Variants in PLD1 observed in about 807,000 individuals in gnomAD.
The protein encoded by PLD1 is choline phosphatase 1.
Under a neutral mutation model 137.1 loss-of-function variants are expected in PLD1, and 112 were observed. The observed-to-expected ratio is 0.82, with a 90% CI of 0.70 to 0.96. The LOEUF is 0.96. Among genes scored for constraint, PLD1 ranks in the 40% least tolerant of loss-of-function variants. PLD1 has a pLI of 0.00. For missense variants in PLD1, 1,321 were observed against 1,342.0 expected (o/e 0.98, Z 0.24); for synonymous variants, 431 against 454.7 (o/e 0.95, Z 0.66).
chr3:171,749,338 G>T (rs1023725803), intron 1 of PLD1, among the ~76,000 whole-genome samples: 2 of 152,182 alleles, frequency 1.3e-5, no homozygotes. Context: ...GGAGGCAGCA[G>T]CCTGGAAGTG....
At chr3:171,765,760 T>C (rs1721941862) in intron 1 of PLD1, among the ~76,000 whole-genome samples, 1 of 152,212 alleles carries the variant, frequency 6.6e-6, no homozygotes. Flanking sequence ...TTCTAAGGAT[T>C]GTCTTGGTAT....
intron 23 of PLD1, among the ~76,000 whole-genome samples, chr3:171,628,167 G>T (rs1734310230): frequency 6.6e-6 from 1 of 152,180 alleles, no homozygotes; most frequent in Non-Finnish European, 1.5e-5. Flanking sequence ...AATAAAAAAT[G>T]ATAAAGGGGA....
chr3:171,643,784 A>G (rs1735973301), intron 22 of PLD1, among the ~76,000 whole-genome samples: 1 of 152,140 alleles, frequency 6.6e-6, no homozygotes, highest in South Asian at 2.1e-4. Context: ...AGAAATGTGC[A>G]AATCTTCAGT....
At chr3:171,690,116 T>G (rs1715002421) in intron 13 of PLD1, among the ~76,000 whole-genome samples, 1 of 152,232 alleles carries the variant, frequency 6.6e-6, no homozygotes, top group Non-Finnish European at 1.5e-5. Flanking sequence ...GGTAGTTTTC[T>G]TATTTCTAGG....
chr3:171,618,110 G>A (rs143754468), intron 24 of PLD1, among the ~76,000 whole-genome samples: 448 of 151,884 alleles, frequency 2.9e-3, no homozygotes, highest in African/African-American at 0.01. Flanking sequence ...TAAGGCACTT[G>A]GGGAAGGAAA....
intron 1 of PLD1, among the ~76,000 whole-genome samples, chr3:171,759,576 A>G (rs961809943): frequency 6.6e-6 from 1 of 152,192 alleles, no homozygotes; most frequent in Non-Finnish European, 1.5e-5. Flanking sequence ...GGGGAGCAGA[A>G]AAGGGAGAAA....
intron 19 of PLD1, among the ~76,000 whole-genome samples, chr3:171,664,531 C>T (rs1337897943): frequency 6.6e-6 from 1 of 151,298 alleles, no homozygotes; most frequent in African/African-American, 2.4e-5. Flanking sequence ...GATCTCAGCT[C>T]ACTGAAACCT....
At position 171,677,705 on chromosome 3, in the gene PLD1, A is replaced by G; in HGVS notation, c.1868-11T>C. 1.9e-6 allele frequency: 3 copies of G among 1,613,148 alleles called. No homozygotes were observed. Among genetic ancestry groups the G allele is most frequent in the Non-Finnish European group, 2.5e-6 (3 of 1,179,590 alleles). Reference sequence around the variant, plus strand: ...GGATGGACCCGGTATCTGTGAATGCAGCAAGACCCCCTCAGAGACTGTGGT... The same window carrying G: ...GGATGGACCCGGTATCTGTGAATGCGGCAAGACCCCCTCAGAGACTGTGGT... On this transcript the variant is annotated splice_polypyrimidine_tract_variant and intron_variant, in intron 16 of 26. Coordinates refer to ENST00000351298, the MANE Select transcript of PLD1 (RefSeq NM_002662.5).
At chr3:171,726,793 C>G (rs964702115) in intron 6 of PLD1, among the ~76,000 whole-genome samples, 14 of 152,220 alleles carry the variant, frequency 9.2e-5, no homozygotes, top group Admixed American at 7.8e-4. Context: ...TGGTGTTATG[C>G]TAACCATTTT....
intron 1 of PLD1, among the ~76,000 whole-genome samples, chr3:171,744,022 T>C (rs1206195596): frequency 6.6e-6 from 1 of 152,206 alleles, no homozygotes; most frequent in African/African-American, 2.4e-5. Flanking sequence ...AGCCTTCTGG[T>C]TGAAAAGCCC....
chr3:171,605,517 T>C, intron 25 of PLD1, 101 bp from the exon 26 acceptor site: 1 of 716,920 alleles, frequency 1.4e-6, no homozygotes, highest in Non-Finnish European at 2.5e-6. Flanking sequence ...AATATATATA[T>C]GCAAATTATT....
intron 1 of PLD1, among the ~76,000 whole-genome samples, chr3:171,767,251 T>G (rs2108323377): frequency 6.6e-6 from 1 of 152,342 alleles, no homozygotes; most frequent in South Asian, 2.1e-4. Context: ...CCATACGGCC[T>G]GGCCACTACT....
At chr3:171,694,981 T>A (rs1456700775) in intron 12 of PLD1, among the ~76,000 whole-genome samples, 1 of 152,198 alleles carries the variant, frequency 6.6e-6, no homozygotes, top group Non-Finnish European at 1.5e-5. Context: ...AGTTCATTTG[T>A]ATGTGGTTTA....
In PLD1 at chr3:171,737,545, G is replaced by A. The variant is rs755457632; in HGVS notation, c.275C>T (p.Thr92Ile). The A allele has an allele frequency of 6.2e-7, 1 of 1,610,524 alleles. No homozygotes were observed. The highest frequency in any genetic ancestry group is 1.7e-5 in the Admixed American group (1 of 59,106). Residue 92 changes from threonine (T) to isoleucine (I), a missense_variant, in exon 3 of 27, where the codon ACA (threonine) becomes ATA (isoleucine). Coordinates refer to ENST00000351298, the MANE Select transcript of PLD1 (RefSeq NM_002662.5). The stretch of plus-strand genomic sequence containing the variant: ...AAACGCTCTGACCCTTGTTGTAGAT[G>A]TGAAGCGTTCCACTTCCAGAACTTG... Reference protein sequence around the residue: ...KAQVLEVERFTSTTRVPSINL... With the variant: ...KAQVLEVERFISTTRVPSINL...
At chr3:171,626,117 G>A (rs1297790143) in intron 23 of PLD1, among the ~76,000 whole-genome samples, 3 of 152,114 alleles carry the variant, frequency 2.0e-5, no homozygotes, top group Non-Finnish European at 2.9e-5. Flanking sequence ...AAATTCAGAC[G>A]AATGTATAAC....
intron 1 of PLD1, among the ~76,000 whole-genome samples, chr3:171,787,940 C>T (rs887120949): frequency 8.6e-5 from 13 of 151,866 alleles, no homozygotes; most frequent in Admixed American, 2.0e-4. Context: ...GCAGCAGTGG[C>T]TCATGCCTAT....
At chr3:171,634,522 T>C (rs1734941365) in intron 23 of PLD1, among the ~76,000 whole-genome samples, 1 of 152,190 alleles carries the variant, frequency 6.6e-6, no homozygotes, top group South Asian at 2.1e-4. Flanking sequence ...CTGTCCTAGA[T>C]ACAATGAGAT....
intron 1 of PLD1, among the ~76,000 whole-genome samples, chr3:171,763,756 A>G (rs1363837177): frequency 1.3e-5 from 2 of 151,752 alleles, no homozygotes; most frequent in Non-Finnish European, 2.9e-5. Context: ...TTGTAAGCCA[A>G]TTCAAATCCT....
intron 1 of PLD1, among the ~76,000 whole-genome samples, chr3:171,777,167 A>G (rs1216696664): frequency 6.6e-6 from 1 of 152,044 alleles, no homozygotes; most frequent in Admixed American, 6.5e-5. Context: ...TTTCTCTATT[A>G]TTTTCTTTCT....
Sources: allele counts gnomAD v4.1 joint callset (sites outside exome capture counted in the v4.1 genomes callset), GRCh38; gene constraint gnomAD v4.1.1; transcripts MANE v1.5; gene names NCBI Gene and HGNC (gene_info 2026-07-23, HGNC 2026-07-21).